TUBGCP3: variants seen among roughly 807,000 people sequenced by gnomAD.
TUBGCP3 encodes gamma-tubulin complex component 3.
Under a neutral mutation model 123.1 loss-of-function variants are expected in TUBGCP3, and 50 were observed. That is an observed-to-expected ratio of 0.41 (90% CI 0.32 to 0.51). The LOEUF is 0.51. TUBGCP3 is among the 20% of genes least tolerant of loss of function. TUBGCP3 has a pLI of 0.36. For missense variants in TUBGCP3, 882 were observed against 1,127.0 expected (o/e 0.78, Z 3.11); for synonymous variants, 405 against 413.9 (o/e 0.98, Z 0.26).
chr13:112,556,163 C>T lies in TUBGCP3; in HGVS notation c.610G>A (p.Ala204Thr), dbSNP rs1303038565. ...CLRQQLGSRL[A>T]WTLTANQPSS... ...GGCTGATTTGCAGTTAAAGTCCATG[C>T]GAGTCGTGACCCCAACTGCTGTCGA... The change falls in exon 6 of 22, where the codon GCA becomes ACA. Residue 204 changes from alanine (A) to threonine (T), a missense_variant. Transcript: ENST00000261965. The T allele has an allele frequency of 4.3e-6, 7 of 1,614,012 alleles. No individual in the cohort carries two copies. Among genetic ancestry groups the T allele is most frequent in the South Asian group, 2.2e-5 (2 of 91,076 alleles).
intron 20 of TUBGCP3, among the ~76,000 whole-genome samples, chr13:112,497,020 C>G (rs542604433): frequency 1.3e-5 from 2 of 151,018 alleles, no homozygotes; most frequent in African/African-American, 2.4e-5. Context: ...TGATTTTGGT[C>G]GATTTTGAGA....
chr13:112,527,518 T>C, intron 11 of TUBGCP3, 34 bp from the exon 12 acceptor site: 1 of 1,463,626 alleles, frequency 6.8e-7, no homozygotes. Flanking sequence ...TGTTCAAGAG[T>C]GATATTTATG....
At chr13:112,596,293 G>A in the TUBGCP3 span, among the ~76,000 whole-genome samples, 2 of 152,122 alleles carry the variant, frequency 1.3e-5, no homozygotes, top group East Asian at 3.9e-4. Flanking sequence ...CATTCTTTTG[G>A]GATAGGTATG....
At chr13:112,531,464 G>A (rs561622637) in intron 11 of TUBGCP3, among the ~76,000 whole-genome samples, 28 of 152,154 alleles carry the variant, frequency 1.8e-4, no homozygotes, top group Non-Finnish European at 2.8e-4. Flanking sequence ...CGAAGTCACC[G>A]CGCTCATGCT....
Position 112,556,187 on chromosome 13 carries a change from G to T in TUBGCP3, c.586C>A (p.Arg196=). 6.2e-7 allele frequency: 1 copy of T among 1,614,066 alleles called. No homozygotes were observed. The highest frequency in any genetic ancestry group is 8.5e-7 in the Non-Finnish European group (1 of 1,180,012). Residue 196 remains arginine (R), a synonymous_variant, in exon 6 of 22, where the codon CGA becomes AGA. Coordinates refer to ENST00000261965, the MANE Select transcript of TUBGCP3 (RefSeq NM_006322.6). ...GCGAGTCGTGACCCCAACTGCTGTCGAAGGCAATCTCCTACTCCTGGAGCT... is the reference window on the plus strand; with the variant it reads ...GCGAGTCGTGACCCCAACTGCTGTCTAAGGCAATCTCCTACTCCTGGAGCT... ...NQAPGVGDCL[R]QQLGSRLAWT...
chr13:112,557,709 G>GC (rs1377578658), intron 5 of TUBGCP3, among the ~76,000 whole-genome samples: 2 of 152,198 alleles, frequency 1.3e-5, no homozygotes, highest in African/African-American at 4.8e-5. Flanking sequence ...GTGCATTCCT[G>GC]CATTTCATCA....
intron 1 of TUBGCP3, among the ~76,000 whole-genome samples, chr13:112,585,517 T>C (rs1279154602): frequency 6.6e-6 from 1 of 151,924 alleles, no homozygotes; most frequent in Non-Finnish European, 1.5e-5. Context: ...CCCAGCACTT[T>C]GGGAGGCCAA....
chr13:112,574,738 A>T (rs548807111), intron 1 of TUBGCP3, among the ~76,000 whole-genome samples: 1 of 152,374 alleles, frequency 6.6e-6, no homozygotes, highest in South Asian at 2.1e-4. Flanking sequence ...AATGGGTAAG[A>T]GAAGCAGACT....
chr13:112,492,101 A>G (rs1262607090), intron 20 of TUBGCP3, among the ~76,000 whole-genome samples: 1 of 152,212 alleles, frequency 6.6e-6, no homozygotes, highest in Non-Finnish European at 1.5e-5. Context: ...CATAAAACAT[A>G]TCATCTTCTT....
intron 1 of TUBGCP3, 51 bp downstream of exon 1, chr13:112,587,844 CACGCGCAGGG>C (rs1472979226): frequency 3.2e-5 from 47 of 1,467,366 alleles, no homozygotes; most frequent in Non-Finnish European, 4.3e-5. Context: ...ATTAGGGCTG[CACGCGCAGGG>C]AGCAGCCCCC....
intron 3 of TUBGCP3, among the ~76,000 whole-genome samples, chr13:112,564,351 G>A (rs1880780057): frequency 6.6e-6 from 1 of 152,198 alleles, no homozygotes; most frequent in African/African-American, 2.4e-5. Flanking sequence ...TTTTCACTGT[G>A]TAACACTAAC....
chr13:112,504,788 A>T (rs766950218), intron 17 of TUBGCP3, 74 bp from the exon 18 acceptor site: 4 of 1,195,566 alleles, frequency 3.3e-6, no homozygotes, highest in Non-Finnish European at 4.9e-6. Context: ...TCCCTTACCC[A>T]CCTGCAAGCT....
chr13:112,487,842 A>G (rs1879781145), intron 21 of TUBGCP3, among the ~76,000 whole-genome samples: 1 of 152,106 alleles, frequency 6.6e-6, no homozygotes, highest in Non-Finnish European at 1.5e-5. Flanking sequence ...ATATTTAAAA[A>G]GTATGAGGGC....
chr13:112,547,627 G>A lies in TUBGCP3; in HGVS notation c.1161C>T (p.His387=). The change falls in exon 10 of 22, where the codon CAC becomes CAT. Residue 387 remains histidine (H), a synonymous_variant. Transcript: ENST00000261965. ...GAAAGACGCGCGTGGGACCTTGGCA[G>A]TGGTCCACTAGGGCCGCAAGGGTCT... ...RLKTLAALVD[H]CQGRKGGELA... The A allele has an allele frequency of 6.5e-7, 1 of 1,536,428 alleles. No individual in the cohort carries two copies. The highest frequency in any genetic ancestry group is 8.8e-7 in the Non-Finnish European group (1 of 1,138,006).
upstream of TUBGCP3, among the ~76,000 whole-genome samples, chr13:112,592,095 C>G (rs114817466): frequency 6.6e-6 from 1 of 152,158 alleles, no homozygotes; most frequent in South Asian, 2.1e-4. The surrounding 1 kb of genome is among the most constrained non-coding windows in gnomAD (Gnocchi z 4.1). Flanking sequence ...AACATCTGGA[C>G]TCTGTGATAA....
At chr13:112,580,432 G>C (rs569513921) in intron 1 of TUBGCP3, among the ~76,000 whole-genome samples, 2 of 151,174 alleles carry the variant, frequency 1.3e-5, no homozygotes, top group Admixed American at 1.3e-4. Flanking sequence ...AGGAGTTTGC[G>C]ACCAGCCTGG....
At chr13:112,582,569 T>C (rs751138681) in intron 1 of TUBGCP3, among the ~76,000 whole-genome samples, 11 of 152,346 alleles carry the variant, frequency 7.2e-5, no homozygotes, top group Non-Finnish European at 1.5e-4. Context: ...TGGACACTGC[T>C]GCTGCAGGGA....
chr13:112,568,191 A>T (rs1010081958), intron 2 of TUBGCP3, among the ~76,000 whole-genome samples: 1 of 150,344 alleles, frequency 6.7e-6, no homozygotes, highest in Non-Finnish European at 1.5e-5. Context: ...CCCACAGCCA[A>T]ATGGACTTCT....
Position 112,522,379 on chromosome 13 carries a change from C to T in TUBGCP3, c.1686G>A (p.Met562Ile), listed in dbSNP as rs925403803. 1 of 1,614,018 alleles carries T rather than the reference C, an allele frequency of 6.2e-7. No homozygotes were observed. The highest frequency in any genetic ancestry group is 1.3e-5 in the African/African-American group (1 of 75,060). The change falls in exon 14 of 22, where the codon ATG (methionine) becomes ATA (isoleucine). Residue 562 changes from methionine to isoleucine, a missense_variant. Around this residue, in one of 3 missense-constraint regions of TUBGCP3, gnomAD observed 713 missense variants for 874.0 expected, o/e 0.82. Coordinates refer to ENST00000261965, the MANE Select transcript of TUBGCP3 (RefSeq NM_006322.6). ...KYSLLDHMQAMRRYLLLGQGD... is the reference protein window; with the variant it reads ...KYSLLDHMQAIRRYLLLGQGD... ...CTTGACCAAGAAGCAGGTACCGCCT[C>T]ATTGCCTGCATGTGGTCCAGCAAGC...
Sources: allele counts gnomAD v4.1 joint callset (sites outside exome capture counted in the v4.1 genomes callset), GRCh38; gene constraint gnomAD v4.1.1; regional missense constraint gnomAD v4.1.1; non-coding constraint Gnocchi (gnomAD v3.1); transcripts MANE v1.5; gene names NCBI Gene and HGNC (gene_info 2026-07-23, HGNC 2026-07-21).